Variants in BPIFA2 observed in about 807,000 individuals in gnomAD.
BPIFA2 encodes BPI fold containing family A member 2.
A neutral mutation model predicts 25.7 loss-of-function variants in BPIFA2; 20 were observed. The observed-to-expected ratio is 0.78, with a 90% CI of 0.55 to 1.13. The LOEUF is 1.13. BPIFA2 is among the 50% of genes most tolerant of loss of function. The pLI, the probability that BPIFA2 is intolerant of heterozygous loss-of-function variation, is 0.00. For missense variants in BPIFA2, 300 were observed against 298.1 expected (o/e 1.01, Z -0.05); for synonymous variants, 126 against 124.3 (o/e 1.01, Z -0.09).
chr20:33,180,111 G>A (rs532455883), intron 7 of BPIFA2, among the ~76,000 whole-genome samples: 131 of 152,158 alleles, frequency 8.6e-4, no homozygotes, highest in African/African-American at 2.6e-3. Flanking sequence ...CCAGCTACTC[G>A]GGAGGCTGAG....
upstream of BPIFA2, among the ~76,000 whole-genome samples, chr20:33,164,214 T>C (rs935529258): frequency 6.6e-6 from 1 of 151,972 alleles, no homozygotes; most frequent in African/African-American, 2.4e-5. Flanking sequence ...GAACAATAAA[T>C]AAATGGACAG....
intron 2 of BPIFA2, among the ~76,000 whole-genome samples, chr20:33,169,640 A>G (rs879316071): frequency 5.3e-5 from 8 of 152,218 alleles, no homozygotes; most frequent in Non-Finnish European, 1.0e-4. Flanking sequence ...CTTTTCCAGC[A>G]CTGGGTATGG....
intron 6 of BPIFA2, among the ~76,000 whole-genome samples, chr20:33,179,273 T>C (rs764592575): frequency 2.0e-5 from 3 of 151,584 alleles, no homozygotes; most frequent in Non-Finnish European, 4.4e-5. Context: ...CTACTGAAAA[T>C]ACAAAAATTA....
At chr20:33,170,802 G>A (rs1341732822) in intron 2 of BPIFA2, among the ~76,000 whole-genome samples, 1 of 152,194 alleles carries the variant, frequency 6.6e-6, no homozygotes, top group Non-Finnish European at 1.5e-5. Context: ...TGCTTTTGGT[G>A]TCATGAAGTC....
intron 1 of BPIFA2, 118 bp downstream of exon 1, chr20:33,168,327 T>C (rs1983787264): frequency 6.5e-6 from 1 of 154,216 alleles, no homozygotes; most frequent in Non-Finnish European, 1.4e-5. Context: ...ACAGCAGAGA[T>C]AATCAATATA....
chr20:33,178,450 C>T (rs1984160304), intron 6 of BPIFA2, among the ~76,000 whole-genome samples: 2 of 152,212 alleles, frequency 1.3e-5, no homozygotes, highest in African/African-American at 4.8e-5. Flanking sequence ...ACTTGAGCCT[C>T]TCACCATATC....
chr20:33,168,200 C>T lies in BPIFA2; in HGVS notation c.-25C>T, dbSNP rs1252777516. Reference sequence around the variant, plus strand: ...GGGCAAGGATTTCATGAGCATCCTCCTCTAAACGCGTGAGTGGCGTGCTCC... The same window carrying T: ...GGGCAAGGATTTCATGAGCATCCTCTTCTAAACGCGTGAGTGGCGTGCTCC... On this transcript the variant is annotated 5_prime_UTR_variant, in exon 1 of 9. Coordinates refer to ENST00000354932, the MANE Select transcript of BPIFA2 (RefSeq NM_080574.4). 1 of 152,276 alleles carries T rather than the reference C, an allele frequency of 6.6e-6. No homozygotes were observed. The highest frequency in any genetic ancestry group is 6.5e-5 in the Admixed American group (1 of 15,284). The allele number at this position is 152,276 out of a possible 1,614,324, so 9.4% of individuals were successfully genotyped here. A position where few individuals can be genotyped will look rare whatever the true frequency, so the allele number is the denominator to read the frequency against.
chr20:33,165,584 C>T (rs1983699336), upstream of BPIFA2, among the ~76,000 whole-genome samples: 1 of 152,182 alleles, frequency 6.6e-6, no homozygotes, highest in African/African-American at 2.4e-5. Context: ...AGCCAGGGCA[C>T]TGAGCCAGGT....
At chr20:33,178,393 C>A (rs893277405) in intron 6 of BPIFA2, among the ~76,000 whole-genome samples, 165 bp downstream of exon 6, 1 of 152,124 alleles carries the variant, frequency 6.6e-6, no homozygotes, top group Non-Finnish European at 1.5e-5. Context: ...TGGTGGGTAG[C>A]AGGGTAGAGC....
chr20:33,173,291 C>T (rs1368052832), intron 3 of BPIFA2, among the ~76,000 whole-genome samples: 4 of 152,090 alleles, frequency 2.6e-5, no homozygotes, highest in African/African-American at 9.7e-5. Context: ...CGGGCTTCCG[C>T]TTTCTTTAAT....
At position 33,174,108 on chromosome 20, in the gene BPIFA2, A is replaced by C. The variant is rs776857886; in HGVS notation, c.332A>C (p.Asp111Ala). The change falls in exon 4 of 9, where the codon GAT becomes GCT. Residue 111 changes from aspartate to alanine, a missense_variant. Physicochemically the swap from Asp to Ala is moderately radical, Grantham distance 126. Coordinates refer to ENST00000354932, the MANE Select transcript of BPIFA2 (RefSeq NM_080574.4). Reference sequence around the variant, plus strand: ...AAAATCAGCAACTCCCTCATCCTGGATGTCAAAGCTGAACCGATCGATGAT... The same window carrying C: ...AAAATCAGCAACTCCCTCATCCTGGCTGTCAAAGCTGAACCGATCGATGAT... ...GLKISNSLIL[D>A]VKAEPIDDGK... The C allele has an allele frequency of 3.1e-6, 5 of 1,614,152 alleles. No homozygotes were observed. Among genetic ancestry groups the C allele is most frequent in the Non-Finnish European group, 4.2e-6 (5 of 1,180,012 alleles).
At chr20:33,162,634 G>C (rs1258016052) in intron 1 of BPIFA2, among the ~76,000 whole-genome samples, 1 of 152,156 alleles carries the variant, frequency 6.6e-6, no homozygotes, top group Non-Finnish European at 1.5e-5. Context: ...GATGATCATG[G>C]TCACCATTTT....
chr20:33,166,465 G>A (rs181128283), upstream of BPIFA2, among the ~76,000 whole-genome samples: 1 of 152,306 alleles, frequency 6.6e-6, no homozygotes, highest in Non-Finnish European at 1.5e-5. Flanking sequence ...TGCATCATGG[G>A]CCTACCCTAT....
chr20:33,179,670 A>G lies in BPIFA2; in HGVS notation c.709+3A>G, dbSNP rs1984206303. 2 of 1,607,726 alleles carry G rather than the reference A, an allele frequency of 1.2e-6. No homozygotes were observed. The highest frequency in any genetic ancestry group is 1.7e-6 in the Non-Finnish European group (2 of 1,174,546). ...GAATGTCATTCAGCAGGTCGTCGGT[A>G]AGTCAATGGGGAAGTGGGGACCTTC... is the stretch of plus-strand genomic sequence containing the variant. On this transcript the variant is annotated splice_donor_region_variant and intron_variant, in intron 7 of 8. Transcript: ENST00000354932.
upstream of BPIFA2, among the ~76,000 whole-genome samples, chr20:33,163,258 C>T (rs1285626332): frequency 6.6e-6 from 1 of 152,222 alleles, no homozygotes; most frequent in East Asian, 1.9e-4. Flanking sequence ...ACTTGCTTTT[C>T]TCACTTTAAT....
chr20:33,178,222 G>GA lies in BPIFA2; in HGVS notation c.641dup (p.Glu215GlyfsTer24). The GA allele has an allele frequency of 6.3e-7, 1 of 1,590,464 alleles. No individual in the cohort carries two copies. Among genetic ancestry groups the GA allele is most frequent in the East Asian group, 2.3e-5 (1 of 44,360 alleles). ...AAAGCACTGTATCCTCCCTGCTGCA[G>GA]AAGGAGGTGAGTCTCCCACTCCTTG... On this transcript the variant is annotated frameshift_variant, in exon 6 of 9. Transcript: ENST00000354932. LOFTEE classifies it high-confidence loss of function.
chr20:33,173,943 T>C (rs1411733871), intron 3 of BPIFA2, 136 bp from the exon 4 acceptor site: 1 of 652,164 alleles, frequency 1.5e-6, no homozygotes, highest in Non-Finnish European at 2.8e-6. Context: ...ATCAAACCTC[T>C]GAACAGGGCT....
intron 7 of BPIFA2, 24 bp from the exon 8 acceptor site, chr20:33,180,496 C>T (rs758424983): frequency 6.2e-6 from 10 of 1,609,084 alleles, no homozygotes; most frequent in Non-Finnish European, 7.7e-6. Context: ...AGACTAAGGC[C>T]TGCTATTGAT....
intron 3 of BPIFA2, among the ~76,000 whole-genome samples, chr20:33,173,655 C>T (rs1263983632): frequency 1.3e-5 from 2 of 152,174 alleles, no homozygotes; most frequent in Non-Finnish European, 2.9e-5. Context: ...GAGGCATGCA[C>T]CACCACGCCC....
Sources: allele counts gnomAD v4.1 joint callset (sites outside exome capture counted in the v4.1 genomes callset), GRCh38; gene constraint gnomAD v4.1.1; transcripts MANE v1.5; gene names NCBI Gene and HGNC (gene_info 2026-07-23, HGNC 2026-07-21).